ATXN7L3: variants seen among roughly 807,000 people sequenced by gnomAD.
The protein encoded by ATXN7L3 is ataxin-7-like protein 3.
Under a neutral mutation model 50.0 loss-of-function variants are expected in ATXN7L3, and 6 were observed. That is an observed-to-expected ratio of 0.12 (90% confidence interval 0.07 to 0.24). The LOEUF is 0.24. Among genes scored for constraint, ATXN7L3 ranks in the 10% least tolerant of loss-of-function variants. The pLI, the probability that ATXN7L3 is intolerant of heterozygous loss-of-function variation, is 1.00. For missense variants in ATXN7L3, 322 were observed against 451.3 expected (o/e 0.71, Z 2.60); for synonymous variants, 198 against 165.8 (o/e 1.19, Z -1.49).
In ATXN7L3 at chr17:44,195,949, T is replaced by TATCCCCGGGCCCCACCTCC. The variant is rs2055871308; in HGVS notation, c.523+66_523+84dup. ...ATCACAGGCCCTCCCTCAATTCCCCTATCCCCGGGCCCCACCTCCACCCCC... is the reference window on the plus strand; with the variant it reads ...ATCACAGGCCCTCCCTCAATTCCCCTATCCCCGGGCCCCACCTCCATCCCCGGGCCCCACCTCCACCCCC... On this transcript the variant is annotated intron_variant, in intron 7 of 12. Transcript: ENST00000587097. The TATCCCCGGGCCCCACCTCC allele has an allele frequency of 4.5e-6, 7 of 1,552,998 alleles. No individual in the cohort carries two copies. The Admixed American group carries it at 1.2e-4, about 27-fold the overall frequency.
At position 44,194,118 on chromosome 17, in the gene ATXN7L3, G is replaced by A. The variant is rs1403369748; in HGVS notation, c.*145C>T. Reference sequence around the variant, plus strand: ...GAGGACTTTGACACCCCCCAGGGGCGCATAATCGGATCCTCTGCCTGCCTG... The same window carrying A: ...GAGGACTTTGACACCCCCCAGGGGCACATAATCGGATCCTCTGCCTGCCTG... On this transcript the variant is annotated 3_prime_UTR_variant, in exon 13 of 13. Coordinates refer to ENST00000587097, the MANE Select transcript of ATXN7L3 (RefSeq NM_001382309.1). 25 of 1,072,286 alleles carry A rather than the reference G, an allele frequency of 2.3e-5. No individual in the cohort carries two copies. The highest frequency in any genetic ancestry group is 7.2e-5 in the East Asian group (3 of 41,958). The allele number at this position is 1,072,286 out of a possible 1,614,324, so 66.4% of individuals were successfully genotyped here.
chr17:44,197,173 G>C (rs1011258628), intron 4 of ATXN7L3, 55 bp downstream of exon 4: 108 of 1,569,794 alleles, frequency 6.9e-5, no homozygotes, highest in Admixed American at 1.4e-4. Flanking sequence ...CAATGCCCCC[G>C]GGGGACTACA....
Position 44,194,656 on chromosome 17 carries a change from CTCG to C in ATXN7L3, c.753_755del (p.Glu252del). 1 of 1,614,118 alleles carries C rather than the reference CTCG, an allele frequency of 6.2e-7. No homozygotes were observed. Among genetic ancestry groups the C allele is most frequent in the Non-Finnish European group, 8.5e-7 (1 of 1,180,018 alleles). ...CAAAGCTGTCATTATCCAGGGAGCTCTCGACCTCTGGAAGGACACTGGAAAGGG... is the reference window on the plus strand; with the variant it reads ...CAAAGCTGTCATTATCCAGGGAGCTCACCTCTGGAAGGACACTGGAAAGGG... On this transcript the variant is annotated inframe_deletion, in exon 12 of 13. Coordinates refer to ENST00000587097, the MANE Select transcript of ATXN7L3 (RefSeq NM_001382309.1).
At chr17:44,196,369 T>C (rs2055891348) in intron 6 of ATXN7L3, 27 bp downstream of exon 6, 10 of 1,613,866 alleles carry the variant, frequency 6.2e-6, no homozygotes, top group Non-Finnish European at 7.6e-6. Context: ...TACCCATTAT[T>C]TCCCCAATGC....
At chr17:44,196,138 C>T in intron 6 of ATXN7L3, 59 bp from the exon 7 acceptor site, 2 of 1,549,870 alleles carry the variant, frequency 1.3e-6, no homozygotes, top group Non-Finnish European at 1.8e-6. Context: ...GAGCCGAGAA[C>T]CCAGGGAAGG....
rs747654324 is a variant in ATXN7L3, at chr17:44,197,565, G to A, written c.184+33C>T. 9.3e-6 allele frequency: 15 copies of A among 1,614,004 alleles called. No homozygotes were observed. The Admixed American group carries it at 2.2e-4, about 23-fold the overall frequency. On this transcript the variant is annotated intron_variant, in intron 3 of 12. Coordinates refer to ENST00000587097, the MANE Select transcript of ATXN7L3 (RefSeq NM_001382309.1). ...AAACTCCAGGCAGTCCCAGGGAAGGGCTGGACTGCTGCTCCTTCACCCTGA... is the reference window on the plus strand; with the variant it reads ...AAACTCCAGGCAGTCCCAGGGAAGGACTGGACTGCTGCTCCTTCACCCTGA...
rs751417078 is a variant in ATXN7L3, at chr17:44,197,190, C to T, written c.356+38G>A. 29 of 1,575,156 alleles carry T rather than the reference C, an allele frequency of 1.8e-5. No individual in the cohort carries two copies. The South Asian group carries it at 2.6e-4, about 14-fold the overall frequency. ...ATGCCCCCGGGGGACTACACCATGG[C>T]ACAGGCTGCAGAGAACGGGCAGCTC... is the stretch of plus-strand genomic sequence containing the variant. On this transcript the variant is annotated intron_variant, in intron 4 of 12. Coordinates refer to ENST00000587097, the MANE Select transcript of ATXN7L3 (RefSeq NM_001382309.1).
chr17:44,196,834 A>C, intron 5 of ATXN7L3, 95 bp downstream of exon 5: 1 of 823,944 alleles, frequency 1.2e-6, no homozygotes, highest in Non-Finnish European at 2.0e-6. Flanking sequence ...CTCTCTCTTC[A>C]TCATTCAAGG....
intron 9 of ATXN7L3, 133 bp from the exon 10 acceptor site, chr17:44,195,273 A>G (rs1386866830): frequency 1.5e-6 from 2 of 1,336,498 alleles, no homozygotes; most frequent in Non-Finnish European, 2.1e-6. Flanking sequence ...TGGTCCCAGG[A>G]CACTATGGGC....
chr17:44,194,289 G>A lies in ATXN7L3; in HGVS notation c.1018C>T (p.Pro340Ser), dbSNP rs375670867. The change falls in exon 13 of 13, where the codon CCC becomes TCC. Residue 340 changes from proline to serine, a missense_variant. Physicochemically the swap from Pro to Ser is moderately conservative, Grantham distance 74. This residue lies in a region of ATXN7L3 where 122 missense variants were observed against 130.8 expected (regional missense o/e 0.93). Transcript: ENST00000587097. Reference protein sequence around the residue: ...KKPKPPAPPTPSIYDDIN With the variant: ...KKPKPPAPPTSSIYDDIN Reference sequence around the variant, plus strand: ...CAGTTGATGTCATCATAGATGCTGGGCGTCGGGGGTGCCGGTGGCTTTGGC... The same window carrying A: ...CAGTTGATGTCATCATAGATGCTGGACGTCGGGGGTGCCGGTGGCTTTGGC... 9.3e-6 allele frequency: 15 copies of A among 1,614,176 alleles called. No homozygotes were observed. Among genetic ancestry groups the A allele is most frequent in the Non-Finnish European group, 1.0e-5 (12 of 1,180,018 alleles).
Position 44,192,803 on chromosome 17 carries a change from C to T in ATXN7L3, c.*1460G>A, listed in dbSNP as rs907291024. 1.3e-5 allele frequency: 2 copies of T among 152,212 alleles called. No individual in the cohort carries two copies. The highest frequency in any genetic ancestry group is 6.5e-5 in the Admixed American group (1 of 15,282). 9.4% of individuals were successfully genotyped at this position (152,212 alleles called of 1,614,324 possible). A position where few individuals can be genotyped will look rare whatever the true frequency, so the allele number is the denominator to read the frequency against. ...CCTTAACCCTCTAGGGTCCCTAACC[C>T]GATCAGTCCAACCAGTCCTGGGTAC... On this transcript the variant is annotated 3_prime_UTR_variant, in exon 13 of 13. Coordinates refer to ENST00000587097, the MANE Select transcript of ATXN7L3 (RefSeq NM_001382309.1).
At chr17:44,196,288 C>A in intron 6 of ATXN7L3, 108 bp downstream of exon 6, 1 of 1,316,804 alleles carries the variant, frequency 7.6e-7, no homozygotes, top group Non-Finnish European at 1.1e-6. Flanking sequence ...CACCCTCAAG[C>A]CCCCAATGAC....
intron 1 of ATXN7L3, 70 bp from the exon 2 acceptor site, chr17:44,198,200 C>G: frequency 1.2e-6 from 1 of 836,514 alleles, no homozygotes; most frequent in Non-Finnish European, 1.9e-6. Flanking sequence ...CTTCCCTCCC[C>G]ACCTCGCTGC....
At position 44,197,650 on chromosome 17, in the gene ATXN7L3, C is replaced by T; in HGVS notation, c.132G>A (p.Lys44=). 1 of 1,614,268 alleles carries T rather than the reference C, an allele frequency of 6.2e-7. No homozygotes were observed. The highest frequency in any genetic ancestry group is 8.5e-7 in the Non-Finnish European group (1 of 1,180,046). ...GFCFEVHRAV[K]CGYFFLDDTD... Reference sequence around the variant, plus strand: ...TGTCGTCCAAGAAGAAGTAGCCACACTTGACAGCCCGGTGTACCTCAAAGC... The same window carrying T: ...TGTCGTCCAAGAAGAAGTAGCCACATTTGACAGCCCGGTGTACCTCAAAGC... The change falls in exon 3 of 13, where the codon AAG becomes AAA. Residue 44 remains lysine (K), a synonymous_variant. Transcript: ENST00000587097.
intron 9 of ATXN7L3, 42 bp downstream of exon 9, chr17:44,195,377 G>A (rs2055845521): frequency 6.3e-7 from 1 of 1,589,978 alleles, no homozygotes; most frequent in African/African-American, 1.3e-5. Flanking sequence ...TATGGCTCCA[G>A]CCCACTCCCA....
At position 44,194,243 on chromosome 17, in the gene ATXN7L3, G is replaced by A. The variant is rs760322970; in HGVS notation, c.*20C>T. On this transcript the variant is annotated 3_prime_UTR_variant, in exon 13 of 13. Coordinates refer to ENST00000587097, the MANE Select transcript of ATXN7L3 (RefSeq NM_001382309.1). Reference sequence around the variant, plus strand: ...GGAGAGAGGGCTCTGCTCAGCCAAAGGCTATCCCTTGCACCCAAGTCAGTT... The same window carrying A: ...GGAGAGAGGGCTCTGCTCAGCCAAAAGCTATCCCTTGCACCCAAGTCAGTT... The A allele has an allele frequency of 1.2e-6, 2 of 1,613,638 alleles. No individual in the cohort carries two copies. The highest frequency in any genetic ancestry group is 1.7e-6 in the Non-Finnish European group (2 of 1,179,794).
At chr17:44,195,355 T>C (rs1271143253) in intron 9 of ATXN7L3, 64 bp downstream of exon 9, 3 of 1,542,370 alleles carry the variant, frequency 1.9e-6, no homozygotes, top group Non-Finnish European at 2.7e-6. Context: ...CTCCCAGGCC[T>C]TGACCACTGC....
In ATXN7L3 at chr17:44,194,611, G is replaced by A. The variant is rs1240580028; in HGVS notation, c.801C>T (p.Ala267=). 2 of 1,613,870 alleles carry A rather than the reference G, an allele frequency of 1.2e-6. No individual in the cohort carries two copies. Among genetic ancestry groups the A allele is most frequent in the South Asian group, 2.2e-5 (2 of 91,064 alleles). The part of the protein sequence containing the change: ...NDSFDMTDSQ[A]LISRLQWDGS... ...CGTCCCACTGAAGCCGGCTGATCAGGGCCTGGCTGTCAGTCATGTCAAAGC... is the reference window on the plus strand; with the variant it reads ...CGTCCCACTGAAGCCGGCTGATCAGAGCCTGGCTGTCAGTCATGTCAAAGC... The change falls in exon 12 of 13, where the codon GCC becomes GCT. Residue 267 remains alanine, a synonymous_variant. Coordinates refer to ENST00000587097, the MANE Select transcript of ATXN7L3 (RefSeq NM_001382309.1).
At position 44,198,053 on chromosome 17, in the gene ATXN7L3, C is replaced by A. The variant is rs1338968089; in HGVS notation, c.18G>T (p.Met6Ile). The A allele has an allele frequency of 1.4e-5, 22 of 1,613,996 alleles. No homozygotes were observed. Among genetic ancestry groups the A allele is most frequent in the Non-Finnish European group, 1.8e-5 (21 of 1,180,000 alleles). The change falls in exon 2 of 13, where the codon ATG (methionine) becomes ATT (isoleucine). Residue 6 changes from methionine (M) to isoleucine (I), a missense_variant. Met to Ile is a conservative substitution (Grantham distance 10). Coordinates refer to ENST00000587097, the MANE Select transcript of ATXN7L3 (RefSeq NM_001382309.1). Reference protein sequence around the residue: MKMEEMSLSGLDNSKL... With the variant: MKMEEISLSGLDNSKL... ...TGCTGTTATCCAGGCCAGACAAAGA[C>A]ATTTCCTCCATTTTCATTTGTAAAC...
Sources: allele counts gnomAD v4.1 joint callset, GRCh38; gene constraint gnomAD v4.1.1; regional missense constraint gnomAD v4.1.1; transcripts MANE v1.5; gene names NCBI Gene and HGNC (gene_info 2026-07-23, HGNC 2026-07-21).